The following HNRNPM variants were observed in gnomAD, a reference collection of about 807,000 sequenced individuals.
The protein encoded by HNRNPM is heterogeneous nuclear ribonucleoprotein M.
HNRNPM carries 11 observed loss-of-function variants against 73.1 expected under a neutral mutation model. The observed-to-expected ratio is 0.15, with a 90% CI of 0.09 to 0.25. The LOEUF is 0.25. Ranked by LOEUF, HNRNPM falls within the 10% of genes least tolerant of loss-of-function variation. HNRNPM has a pLI of 1.00. For synonymous variants in HNRNPM, 407 were observed against 355.2 expected (o/e 1.15, Z -1.64); for missense variants, 789 against 1,067.9 (o/e 0.74, Z 3.64).
intron 3 of HNRNPM, 121 bp from the exon 4 acceptor site, chr19:8,463,376 C>T: frequency 8.6e-7 from 1 of 1,158,656 alleles, no homozygotes; most frequent in South Asian, 1.3e-5. Context: ...TTTTAAAAGA[C>T]TAACTTTGTG....
intron 2 of HNRNPM, among the ~76,000 whole-genome samples, chr19:8,456,068 A>C (rs1969000884): frequency 6.6e-6 from 1 of 151,984 alleles, no homozygotes. Context: ...TCCAAACTAT[A>C]AAACATTAGC....
intron 2 of HNRNPM, among the ~76,000 whole-genome samples, chr19:8,460,318 G>A (rs995138711): frequency 2.0e-5 from 3 of 152,216 alleles, no homozygotes; most frequent in Non-Finnish European, 4.4e-5. Flanking sequence ...AGCAGCTATT[G>A]CAGATCCCTT....
intron 3 of HNRNPM, 88 bp from the exon 4 acceptor site, chr19:8,463,409 G>A: frequency 7.3e-7 from 1 of 1,366,504 alleles, no homozygotes; most frequent in Non-Finnish European, 1.0e-6. Flanking sequence ...TTTTTAGTTT[G>A]TTTATAACTG....
intron 12 of HNRNPM, among the ~76,000 whole-genome samples, chr19:8,479,086 T>TTC (rs1425882531): frequency 5.5e-5 from 6 of 109,612 alleles, no homozygotes; most frequent in Admixed American, 4.7e-4. Flanking sequence ...TTCTTTTTTT[T>TTC]TTTTTTTTTT....
chr19:8,468,902 T>A, intron 9 of HNRNPM, 68 bp downstream of exon 9: 1 of 1,281,478 alleles, frequency 7.8e-7, no homozygotes, highest in Non-Finnish European at 1.1e-6. Flanking sequence ...AAAATTACCA[T>A]ATGGTTTCAC....
chr19:8,469,468 C>T (rs552682909), intron 9 of HNRNPM, among the ~76,000 whole-genome samples: 1 of 152,252 alleles, frequency 6.6e-6, no homozygotes, highest in Admixed American at 6.5e-5. Flanking sequence ...CCACCGAATA[C>T]TTTGAGTTTT....
chr19:8,462,385 G>A lies in HNRNPM; in HGVS notation c.284-144G>A, dbSNP rs1433509001. 13 of 712,888 alleles carry A rather than the reference G, an allele frequency of 1.8e-5. No individual in the cohort carries two copies. Among genetic ancestry groups the A allele is most frequent in the Admixed American group, 1.1e-4 (5 of 47,218 alleles). The allele number at this position is 712,888 out of a possible 1,614,324, so 44.2% of individuals were successfully genotyped here. ...ACTGCACACCTGTAATGCCTAGTTC[G>A]GTGGTTTAGAGAATATGGAGTGTTT... On this transcript the variant is annotated intron_variant, in intron 2 of 15. Transcript: ENST00000325495. This position sits in a 1 kb window ranked among gnomAD's most constrained non-coding sequence, Gnocchi z 4.5.
rs564999009 is a variant in HNRNPM, at chr19:8,486,824, C to G, written c.1978-200C>G. On this transcript the variant is annotated intron_variant, in intron 14 of 15. Transcript: ENST00000325495. ...GCACGGTGCTCCCACAGGCAGAGCC[C>G]CAGGGAGGGAGCTGGCTGTGCCGCT... 5.9e-4 allele frequency among the ~76,000 whole-genome samples: 90 copies of G among 152,318 alleles called. 2 individuals carry two copies. The South Asian group carries it at 6.6e-3, about 11-fold the overall frequency.
chr19:8,458,893 A>G (rs1449026302), intron 2 of HNRNPM, among the ~76,000 whole-genome samples: 4 of 152,154 alleles, frequency 2.6e-5, no homozygotes, highest in South Asian at 4.1e-4. Flanking sequence ...TACCCAGTCT[A>G]CTTGCTTCTT....
At position 8,486,295 on chromosome 19, in the gene HNRNPM, A is replaced by G. The variant is rs1971302814; in HGVS notation, c.1867A>G (p.Ile623Val). The G allele has an allele frequency of 6.2e-7, 1 of 1,600,586 alleles. No homozygotes were observed. The part of the protein sequence containing the change: ...GGGGASFDRA[I>V]EMERGNFGGS... ...TGGCGGTGCCAGCTTTGACCGTGCC[A>G]TCGAGATGGAGCGTGGCAACTTCGG... Residue 623 changes from isoleucine (I) to valine (V), a missense_variant, in exon 14 of 16, where the codon ATC becomes GTC. Around this residue, in one of 4 missense-constraint regions of HNRNPM, gnomAD observed 604 missense variants for 744.0 expected, o/e 0.81. Coordinates refer to ENST00000325495, the MANE Select transcript of HNRNPM (RefSeq NM_005968.5).
At chr19:8,449,908 G>A (rs369690359) in intron 1 of HNRNPM, among the ~76,000 whole-genome samples, 1 of 152,216 alleles carries the variant, frequency 6.6e-6, no homozygotes, top group Non-Finnish European at 1.5e-5. Context: ...ACGACATGGT[G>A]ACCCCAGCTC....
At chr19:8,473,851 C>T in intron 11 of HNRNPM, 143 bp downstream of exon 11, 1 of 647,024 alleles carries the variant, frequency 1.5e-6, no homozygotes, top group East Asian at 2.8e-5. Context: ...CCTGCCTGTC[C>T]ATCCTTCCAG....
chr19:8,477,936 A>C (rs1056873001), intron 12 of HNRNPM, among the ~76,000 whole-genome samples: 3 of 152,092 alleles, frequency 2.0e-5, no homozygotes, highest in Admixed American at 6.6e-5. Flanking sequence ...TGTGAGCCTC[A>C]ATTTCTTTTT....
At chr19:8,473,595 C>T (rs773337934) in intron 10 of HNRNPM, 69 bp from the exon 11 acceptor site, 54 of 934,566 alleles carry the variant, frequency 5.8e-5, no homozygotes, top group Non-Finnish European at 8.7e-5. Flanking sequence ...TGGAATTATG[C>T]TTTTTAAGTT....
At chr19:8,451,774 A>G (rs1377201217) in intron 1 of HNRNPM, among the ~76,000 whole-genome samples, 2 of 152,140 alleles carry the variant, frequency 1.3e-5, no homozygotes, top group African/African-American at 4.8e-5. Context: ...TCAAGCACTC[A>G]GCTCACCTCA....
intron 1 of HNRNPM, among the ~76,000 whole-genome samples, chr19:8,447,948 C>T (rs2145601144): frequency 6.6e-6 from 1 of 152,214 alleles, no homozygotes; most frequent in Middle Eastern, 3.4e-3. Context: ...ATGGCGTGAA[C>T]CTGGGAGGCA....
chr19:8,486,037 A>T lies in HNRNPM; in HGVS notation c.1609A>T (p.Met537Leu). The T allele has an allele frequency of 6.2e-7, 1 of 1,604,594 alleles. No homozygotes were observed. Among genetic ancestry groups the T allele is most frequent in the Non-Finnish European group, 8.5e-7 (1 of 1,178,968 alleles). Residue 537 changes from methionine to leucine, a missense_variant, in exon 14 of 16, where the codon ATG (methionine) becomes TTG (leucine). By Grantham distance (15) the Met-to-Leu change is conservative. Around this residue, in one of 4 missense-constraint regions of HNRNPM, gnomAD observed 604 missense variants for 744.0 expected, o/e 0.81. Coordinates refer to ENST00000325495, the MANE Select transcript of HNRNPM (RefSeq NM_005968.5). Reference sequence around the variant, plus strand: ...CATGGAGCGCATGGTGCCCGCAGGTATGGGAGCTGGCCTGGAGCGCATGGG... The same window carrying T: ...CATGGAGCGCATGGTGCCCGCAGGTTTGGGAGCTGGCCTGGAGCGCATGGG... ...LSMERMVPAG[M>L]GAGLERMGPV...
chr19:8,462,671 A>G lies in HNRNPM; in HGVS notation c.336+90A>G. On this transcript the variant is annotated intron_variant, in intron 3 of 15. Coordinates refer to ENST00000325495, the MANE Select transcript of HNRNPM (RefSeq NM_005968.5). The surrounding 1 kb of genome is among the most constrained non-coding windows in gnomAD (Gnocchi z 4.5). Reference sequence around the variant, plus strand: ...TGGAATCGAATGAAATCAGGAAGGCAGTGAGTGCTCATGTTACAGTAGCTA... The same window carrying G: ...TGGAATCGAATGAAATCAGGAAGGCGGTGAGTGCTCATGTTACAGTAGCTA... The G allele has an allele frequency of 1.9e-6, 2 of 1,073,278 alleles. No homozygotes were observed. The highest frequency in any genetic ancestry group is 2.9e-6 in the Non-Finnish European group (2 of 687,328). The allele number at this position is 1,073,278 out of a possible 1,614,324, so 66.5% of individuals were successfully genotyped here. A position where few individuals can be genotyped will look rare whatever the true frequency, so the allele number is the denominator to read the frequency against.
At chr19:8,473,795 C>A in intron 11 of HNRNPM, 87 bp downstream of exon 11, 1 of 860,260 alleles carries the variant, frequency 1.2e-6, no homozygotes, top group Non-Finnish European at 1.9e-6. Context: ...TTAAACCCTG[C>A]ATGAAATTCT....
Sources: gnomAD v4.1 joint callset for allele counts (sites outside exome capture counted in the v4.1 genomes callset) on GRCh38, gnomAD v4.1.1 for gene constraint, gnomAD v4.1.1 regional missense constraint, Gnocchi (gnomAD v3.1) non-coding constraint, MANE v1.5 for transcripts, NCBI Gene and HGNC (gene_info 2026-07-23, HGNC 2026-07-21) for gene names.